TMEM68: variants seen among roughly 807,000 people sequenced by gnomAD.
TMEM68 encodes the protein DGAT1/2-independent enzyme synthesizing storage lipids.
A neutral mutation model predicts 36.9 loss-of-function variants in TMEM68; 25 were observed. The observed-to-expected ratio is 0.68, with a 90% confidence interval of 0.49 to 0.95. TMEM68 has a LOEUF of 0.95. Ranked by LOEUF, TMEM68 falls within the 40% of genes least tolerant of loss-of-function variation. The pLI, the probability that TMEM68 is intolerant of heterozygous loss-of-function variation, is 0.00. For missense variants in TMEM68, 333 were observed against 392.0 expected, an observed-to-expected ratio of 0.85 and a Z score of 1.27; for synonymous variants, 131 against 124.4, an observed-to-expected ratio of 1.05 and a Z score of -0.35.
Position 55,762,508 on chromosome 8 carries a change from A to C in TMEM68, c.325+127T>G, listed in dbSNP as rs775367455. On this transcript the variant is annotated intron_variant, in intron 3 of 7. Transcript: ENST00000434581. Reference sequence around the variant, plus strand: ...TGCACAATGCATGCAAACAGGTAACAGGGAATAGTAAATATCACTTCTATT... The same window carrying C: ...TGCACAATGCATGCAAACAGGTAACCGGGAATAGTAAATATCACTTCTATT... 14 of 1,507,156 alleles carry C rather than the reference A, an allele frequency of 9.3e-6. No homozygotes were observed. In the South Asian group the frequency reaches 1.6e-4, roughly 17 times the overall value. The allele number at this position is 1,507,156 out of a possible 1,614,324, so 93.4% of individuals were successfully genotyped here. A position where few individuals can be genotyped will look rare whatever the true frequency, so the allele number is the denominator to read the frequency against.
At chr8:55,771,266 G>A (rs1811149420) in intron 1 of TMEM68, among the ~76,000 whole-genome samples, 1 of 151,944 alleles carries the variant, frequency 6.6e-6, no homozygotes, top group Non-Finnish European at 1.5e-5. Context: ...TAATAAATCA[G>A]AACAGAGAAC....
Position 55,756,238 on chromosome 8 carries a change from G to C in TMEM68, c.493+6C>G. The C allele has an allele frequency of 6.3e-7, 1 of 1,594,108 alleles. No individual in the cohort carries two copies. The highest frequency in any genetic ancestry group is 8.5e-7 in the Non-Finnish European group (1 of 1,175,286). On this transcript the variant is annotated splice_donor_region_variant and intron_variant, in intron 4 of 7. Transcript: ENST00000434581. ...TTTTACATTACTATCTACAGTGAAA[G>C]TTTACCTGGAATTTTAAAGACAAAG...
chr8:55,768,738 C>T (rs13262981), intron 1 of TMEM68, among the ~76,000 whole-genome samples: 129,242 of 151,824 alleles, frequency 0.85, 55,277 homozygotes, highest in East Asian at 0.99. Context: ...CTCAGCTACT[C>T]GGGAGGCTGA....
At chr8:55,765,707 T>C (rs1371132613) in intron 1 of TMEM68, among the ~76,000 whole-genome samples, 1 of 152,188 alleles carries the variant, frequency 6.6e-6, no homozygotes, top group African/African-American at 2.4e-5. Flanking sequence ...ATACATCTCA[T>C]CTGCTTATTA....
chr8:55,743,422 A>C, intron 7 of TMEM68, 59 bp downstream of exon 7: 1 of 1,485,984 alleles, frequency 6.7e-7, no homozygotes, highest in Non-Finnish European at 8.9e-7. Context: ...ATGAGATTCA[A>C]AATATAATAA....
At chr8:55,748,538 A>C (rs1810345654) in intron 5 of TMEM68, among the ~76,000 whole-genome samples, 1 of 136,760 alleles carries the variant, frequency 7.3e-6, no homozygotes. Context: ...ATGTGCATGC[A>C]TGTGTGCAAG....
At chr8:55,770,778 A>C (rs893163343) in intron 1 of TMEM68, among the ~76,000 whole-genome samples, 13 of 152,200 alleles carry the variant, frequency 8.5e-5, no homozygotes, top group African/African-American at 3.1e-4. Context: ...CCTGCTCCTA[A>C]AAATCTAAAA....
At chr8:55,761,673 T>G (rs908065403) in intron 3 of TMEM68, 2 of 152,134 alleles carry the variant, frequency 1.3e-5, no homozygotes, top group African/African-American at 4.8e-5. Context: ...CTGGCATAGG[T>G]AGGTGCTCAA....
intron 5 of TMEM68, chr8:55,747,404 A>G (rs1220804298): frequency 6.6e-6 from 1 of 152,214 alleles, no homozygotes; most frequent in African/African-American, 2.4e-5. Flanking sequence ...TGAAGAAATT[A>G]AAATTTGATG....
Position 55,739,603 on chromosome 8 carries a change from T to G in TMEM68, c.*529A>C, listed in dbSNP as rs1418282745. Reference sequence around the variant, plus strand: ...CAACAGTTATCAATCACAGTAAATATAAATAACAAAATAATATCATTCATC... The same window carrying G: ...CAACAGTTATCAATCACAGTAAATAGAAATAACAAAATAATATCATTCATC... On this transcript the variant is annotated 3_prime_UTR_variant, in exon 8 of 8. Coordinates refer to ENST00000434581, the MANE Select transcript of TMEM68 (RefSeq NM_001286657.2). 1 of 152,630 alleles carries G rather than the reference T, an allele frequency of 6.6e-6. No individual in the cohort carries two copies. Among genetic ancestry groups the G allele is most frequent in the Non-Finnish European group, 1.5e-5 (1 of 68,046 alleles). The allele number at this position is 152,630 out of a possible 1,614,324, so 9.5% of individuals were successfully genotyped here.
chr8:55,757,542 A>C (rs972655573), intron 3 of TMEM68, among the ~76,000 whole-genome samples: 1 of 152,144 alleles, frequency 6.6e-6, no homozygotes, highest in Non-Finnish European at 1.5e-5. Flanking sequence ...CTGGAAGTTT[A>C]TCTCATAGAA....
intron 3 of TMEM68, among the ~76,000 whole-genome samples, chr8:55,760,390 G>C (rs1466499824): frequency 2.0e-5 from 3 of 152,196 alleles, no homozygotes; most frequent in Non-Finnish European, 4.4e-5. Flanking sequence ...TGAGCATCCA[G>C]AGATCAAGGG....
chr8:55,750,106 T>C (rs6474015), intron 5 of TMEM68, among the ~76,000 whole-genome samples: 130,580 of 152,176 alleles, frequency 0.86, 56,199 homozygotes, highest in East Asian at 0.99. Flanking sequence ...AACTTGAAAG[T>C]TGAACCATCT....
rs758985588 is a variant in TMEM68, at chr8:55,740,102, C to G, written c.*30G>C. On this transcript the variant is annotated 3_prime_UTR_variant, in exon 8 of 8. Transcript: ENST00000434581. ...GATACAAACATTTAATATAAATGTA[C>G]TAAATCATCTTCTAGTTGACCCTTT... is the stretch of plus-strand genomic sequence containing the variant. 7 of 1,559,396 alleles carry G rather than the reference C, an allele frequency of 4.5e-6. No homozygotes were observed. In the South Asian group the frequency reaches 7.9e-5, roughly 18 times the overall value.
chr8:55,761,071 A>G (rs760444768), intron 3 of TMEM68: 2 of 152,234 alleles, frequency 1.3e-5, no homozygotes, highest in Non-Finnish European at 2.9e-5. Context: ...GGTTGAAAGC[A>G]GAAAAATCCA....
chr8:55,765,374 G>A (rs557631744), intron 1 of TMEM68, among the ~76,000 whole-genome samples: 1 of 152,296 alleles, frequency 6.6e-6, no homozygotes, highest in South Asian at 2.1e-4. Flanking sequence ...ACCACTCCGA[G>A]TTGCTGACTC....
chr8:55,745,282 A>C (rs1810236983), intron 5 of TMEM68, 161 bp from the exon 6 acceptor site: 1 of 405,680 alleles, frequency 2.5e-6, no homozygotes, highest in South Asian at 5.7e-5. Flanking sequence ...CCAGAAGCTA[A>C]GCAGGGTCGG....
At chr8:55,755,276 T>A (rs1426900418) in intron 4 of TMEM68, among the ~76,000 whole-genome samples, 1 of 151,866 alleles carries the variant, frequency 6.6e-6, no homozygotes, top group East Asian at 1.9e-4. Context: ...ATATCTTTTT[T>A]TTTTTTTTGA....
chr8:55,759,877 C>T (rs371367453), intron 3 of TMEM68, among the ~76,000 whole-genome samples: 15 of 152,170 alleles, frequency 9.9e-5, no homozygotes, highest in African/African-American at 3.4e-4. Flanking sequence ...AATCTCTGTC[C>T]TGTAGAAGCG....
Sources: gnomAD v4.1 joint callset for allele counts (sites outside exome capture counted in the v4.1 genomes callset) on GRCh38, gnomAD v4.1.1 for gene constraint, MANE v1.5 for transcripts, NCBI Gene and HGNC (gene_info 2026-07-23, HGNC 2026-07-21) for gene names.